SERINC5: variants seen among roughly 807,000 people sequenced by gnomAD.
SERINC5 encodes the protein serine incorporator 5, also known as chromosome 5 open reading frame 12.
Under a neutral mutation model 63.1 loss-of-function variants are expected in SERINC5, and 41 were observed. The ratio of observed to expected loss-of-function variants is 0.65; its 90% CI spans 0.51 to 0.84. The LOEUF is 0.84. Among genes scored for constraint, SERINC5 ranks in the 40% least tolerant of loss-of-function variants. SERINC5 has a pLI of 0.00. For missense variants in SERINC5, 523 were observed against 573.0 expected, an observed-to-expected ratio of 0.91 and a Z score of 0.89; for synonymous variants, 222 against 215.2, an observed-to-expected ratio of 1.03 and a Z score of -0.28.
chr5:80,241,362 G>A (rs184251859), intron 1 of SERINC5, among the ~76,000 whole-genome samples: 15 of 152,140 alleles, frequency 9.9e-5, no homozygotes, highest in African/African-American at 2.2e-4. Flanking sequence ...CCAGCTACTC[G>A]GGAGGCTGAG....
At chr5:80,207,127 T>C (rs572962117) in intron 1 of SERINC5, among the ~76,000 whole-genome samples, 2 of 150,832 alleles carry the variant, frequency 1.3e-5, no homozygotes, top group African/African-American at 2.5e-5. Flanking sequence ...GCCTCCCGAG[T>C]AGCTGGGACT....
rs1483497555 is a variant in SERINC5 at position 80,216,955 on chromosome 5, G to T, written c.28-13902C>A. Among the ~76,000 whole-genome samples, 3 of 152,066 alleles carry T rather than the reference G, an allele frequency of 2.0e-5. No individual in the cohort carries two copies. The East Asian group carries it at 5.8e-4, about 29-fold the overall frequency. The stretch of plus-strand genomic sequence containing the variant: ...GAGCCCAGAAGATTGAGGTTACATT[G>T]AGCTGAGATTGCATCACTGCACTTC... On this transcript the variant is annotated intron_variant, in intron 1 of 11. Coordinates refer to ENST00000507668, the MANE Select transcript of SERINC5 (RefSeq NM_001174072.3).
rs371478881 is a variant in SERINC5 at position 80,155,829 on chromosome 5, T to C, written c.986+3007A>G. 4.6e-5 allele frequency among the ~76,000 whole-genome samples: 7 copies of C among 152,204 alleles called. 1 individual carries two copies. Among genetic ancestry groups the C allele is most frequent in the African/African-American group, 2.4e-5 (1 of 41,528 alleles). On this transcript the variant is annotated intron_variant, in intron 8 of 11. Coordinates refer to ENST00000507668, the MANE Select transcript of SERINC5 (RefSeq NM_001174072.3). Reference sequence around the variant, plus strand: ...GGCTTACATGGGGTCCAAGCTATGATGTTCTTTCACAGCAATGATTCCTGG... The same window carrying C: ...GGCTTACATGGGGTCCAAGCTATGACGTTCTTTCACAGCAATGATTCCTGG...
At chr5:80,170,010 G>A (rs956982490) in intron 5 of SERINC5, among the ~76,000 whole-genome samples, 4 of 152,130 alleles carry the variant, frequency 2.6e-5, no homozygotes, top group African/African-American at 4.8e-5. Context: ...GAGAAGGCAC[G>A]CAGGAAAAGG....
intron 1 of SERINC5, among the ~76,000 whole-genome samples, chr5:80,217,488 A>T (rs1750720399): frequency 6.6e-6 from 1 of 152,196 alleles, no homozygotes; most frequent in South Asian, 2.1e-4. Flanking sequence ...AGCTCATTTC[A>T]CTGCTCTCAG....
At chr5:80,152,025 T>G (rs1746221164) in intron 8 of SERINC5, among the ~76,000 whole-genome samples, 1 of 152,148 alleles carries the variant, frequency 6.6e-6, no homozygotes, top group Admixed American at 6.6e-5. Flanking sequence ...GAGATCCAAG[T>G]TCACTGTTTC....
chr5:80,225,779 C>T (rs561420266), intron 1 of SERINC5, among the ~76,000 whole-genome samples: 2 of 152,232 alleles, frequency 1.3e-5, no homozygotes, highest in South Asian at 2.1e-4. Flanking sequence ...GCCCTAAAGA[C>T]GGAACAAAGC....
Position 80,141,973 on chromosome 5 carries a change from G to C in SERINC5, c.*1690C>G, listed in dbSNP as rs954865838. On this transcript the variant is annotated 3_prime_UTR_variant, in exon 12 of 12. Transcript: ENST00000507668. ...TGGGAGAAGGGCAAAGGAATGAATAGAAAGAATTTCACTAATTTCACCCAC... is the reference window on the plus strand; with the variant it reads ...TGGGAGAAGGGCAAAGGAATGAATACAAAGAATTTCACTAATTTCACCCAC... 9 of 985,262 alleles carry C rather than the reference G, an allele frequency of 9.1e-6. No homozygotes were observed. Among genetic ancestry groups the C allele is most frequent in the African/African-American group, 1.7e-5 (1 of 57,202 alleles). 61.0% of individuals were successfully genotyped at this position (985,262 alleles called of 1,614,324 possible). A position where few individuals can be genotyped will look rare whatever the true frequency, so the allele number is the denominator to read the frequency against.
intron 2 of SERINC5, among the ~76,000 whole-genome samples, chr5:80,188,497 T>C (rs987738157): frequency 1.2e-4 from 19 of 152,138 alleles, no homozygotes; most frequent in Non-Finnish European, 2.5e-4. Flanking sequence ...TGGATCTTTC[T>C]AGACCCTTTG....
At chr5:80,186,398 A>G (rs1160714470) in intron 2 of SERINC5, among the ~76,000 whole-genome samples, 2 of 152,014 alleles carry the variant, frequency 1.3e-5, no homozygotes, top group Non-Finnish European at 2.9e-5. Flanking sequence ...TCGGCCCCCT[A>G]AAGTGTTGGG....
intron 1 of SERINC5, among the ~76,000 whole-genome samples, chr5:80,226,285 C>A (rs144287221): frequency 6.6e-6 from 1 of 152,054 alleles, no homozygotes; most frequent in African/African-American, 2.4e-5. Flanking sequence ...CCACTGCATC[C>A]GGCCAAAAAT....
chr5:80,167,064 T>C (rs1747345385), intron 6 of SERINC5: 1 of 152,366 alleles, frequency 6.6e-6, no homozygotes, highest in African/African-American at 2.4e-5. Context: ...TTTAAGGTTA[T>C]TTATTTATTT....
At chr5:80,248,643 G>A (rs1752260969) in intron 1 of SERINC5, among the ~76,000 whole-genome samples, 1 of 152,068 alleles carries the variant, frequency 6.6e-6, no homozygotes, top group Non-Finnish European at 1.5e-5. Context: ...ACAATTATAG[G>A]GCACTTTACT....
rs558869006 is a variant in SERINC5, at chr5:80,143,786, G to A, written c.1263C>T (p.Ser421=). ...WFNYESANIE[S]FFSGSWSIFW... Reference sequence around the variant, plus strand: ...AGATGGACCAGCTCCCGCTGAAGAAGCTCTCGATGTTGGCACTTTCGTAGC... The same window carrying A: ...AGATGGACCAGCTCCCGCTGAAGAAACTCTCGATGTTGGCACTTTCGTAGC... Residue 421 remains serine, a synonymous_variant, in exon 12 of 12, where the codon AGC becomes AGT. Coordinates refer to ENST00000507668, the MANE Select transcript of SERINC5 (RefSeq NM_001174072.3). 19 of 1,536,136 alleles carry A rather than the reference G, an allele frequency of 1.2e-5. No individual in the cohort carries two copies. The highest frequency in any genetic ancestry group is 3.9e-5 in the Admixed American group (2 of 51,006).
At chr5:80,197,118 G>A (rs966089115) in intron 2 of SERINC5, among the ~76,000 whole-genome samples, 4 of 152,026 alleles carry the variant, frequency 2.6e-5, no homozygotes, top group Non-Finnish European at 5.9e-5. Flanking sequence ...GGAGGCCTAG[G>A]CAGGCAAATC....
At chr5:80,131,645 G>T (rs535522538) in intron 11 of SERINC5, among the ~76,000 whole-genome samples, 1 of 152,152 alleles carries the variant, frequency 6.6e-6, no homozygotes, top group Non-Finnish European at 1.5e-5. Flanking sequence ...GGTCATGCAG[G>T]GTTTTGTAGA....
At position 80,142,625 on chromosome 5, in the gene SERINC5, C is replaced by T. The variant is rs936130707; in HGVS notation, c.*1038G>A. 2.4e-5 allele frequency: 24 copies of T among 985,376 alleles called. No individual in the cohort carries two copies. In the Admixed American group the frequency reaches 4.9e-4, roughly 20 times the overall value. 61.0% of individuals were successfully genotyped at this position (985,376 alleles called of 1,614,324 possible). Reference sequence around the variant, plus strand: ...CCAAGGATGCCAGCATGAACCTGAACGGTATGGTCACGTTACAGATCCAGA... The same window carrying T: ...CCAAGGATGCCAGCATGAACCTGAATGGTATGGTCACGTTACAGATCCAGA... On this transcript the variant is annotated 3_prime_UTR_variant, in exon 12 of 12. Transcript: ENST00000507668.
chr5:80,247,262 T>A (rs1000805230), intron 1 of SERINC5, among the ~76,000 whole-genome samples: 6 of 152,154 alleles, frequency 3.9e-5, no homozygotes, highest in African/African-American at 1.4e-4. Flanking sequence ...CTCTAACTGG[T>A]GACTACATTA....
At chr5:80,239,067 G>A (rs1402083042) in intron 1 of SERINC5, among the ~76,000 whole-genome samples, 5 of 152,170 alleles carry the variant, frequency 3.3e-5, no homozygotes, top group African/African-American at 1.2e-4. Context: ...CTGTGCTCCA[G>A]GACCTGTTTC....
Sources: gnomAD v4.1 joint callset for allele counts (sites outside exome capture counted in the v4.1 genomes callset) on GRCh38, gnomAD v4.1.1 for gene constraint, MANE v1.5 for transcripts, NCBI Gene and HGNC (gene_info 2026-07-23, HGNC 2026-07-21) for gene names.